Variants in ZNF302 observed in about 807,000 individuals in gnomAD.
ZNF302 encodes the protein zinc finger protein 327.
In ZNF302, 12 loss-of-function variants were observed where a neutral mutation model predicts 10.8. The observed-to-expected ratio is 1.11, with a 90% CI of 0.71 to 1.79. The LOEUF (loss-of-function observed/expected upper bound fraction) is 1.79, where lower values mean the gene tolerates loss of function less well. ZNF302 is among the 40% of genes most tolerant of loss of function. The pLI is 0.00. For synonymous variants in ZNF302, 178 were observed against 157.5 expected, an observed-to-expected ratio of 1.13 and a Z score of -0.98; for missense variants, 461 against 471.1, an observed-to-expected ratio of 0.98 and a Z score of 0.20.
chr19:34,676,053 T>C (rs746045866), upstream of ZNF302: 1 of 152,218 alleles, frequency 6.6e-6, no homozygotes, highest in Non-Finnish European at 1.5e-5. Context: ...GTTGTTCGGG[T>C]GGCCCGTTTT....
intron 2 of ZNF302, among the ~76,000 whole-genome samples, chr19:34,679,405 G>T (rs918444075): frequency 6.6e-6 from 1 of 151,966 alleles, no homozygotes; most frequent in Non-Finnish European, 1.5e-5. Flanking sequence ...CTGTCATTCC[G>T]CAACCTAAAA....
rs11441977 is a variant in ZNF302, at chr19:34,678,431, C to CAAAA, written c.-68-290_-68-287dup. On this transcript the variant is annotated intron_variant, in intron 1 of 4. Transcript: ENST00000505242. Reference sequence around the variant, plus strand: ...CTGGAGACAGAACGAGACTCCGTCTCAAAAAAAAAAAAAAAAAAATCTGGA... The same window carrying CAAAA: ...CTGGAGACAGAACGAGACTCCGTCTCAAAAAAAAAAAAAAAAAAAAAAATCTGGA... 6.8e-3 allele frequency among the ~76,000 whole-genome samples: 778 copies of CAAAA among 115,020 alleles called. 17 individuals carry two copies. Among genetic ancestry groups the CAAAA allele is most frequent in the Non-Finnish European group, 8.9e-3 (514 of 57,958 alleles). 75.5% of individuals were successfully genotyped at this position (115,020 alleles called of 152,430 possible). A position where few individuals can be genotyped will look rare whatever the true frequency, so the allele number is the denominator to read the frequency against.
Position 34,685,261 on chromosome 19 carries a change from G to C in ZNF302, c.*24G>C. 2 of 1,613,746 alleles carry C rather than the reference G, an allele frequency of 1.2e-6. No individual in the cohort carries two copies. Among genetic ancestry groups the C allele is most frequent in the African/African-American group, 2.7e-5 (2 of 75,040 alleles). On this transcript the variant is annotated 3_prime_UTR_variant, in exon 5 of 5. Transcript: ENST00000505242. The stretch of plus-strand genomic sequence containing the variant: ...AGAAATGCAGGAAATCCTTCAACCA[G>C]CTTGAATCACTGAATATGCATTTGA...
At position 34,685,828 on chromosome 19, in the gene ZNF302, T is replaced by A. The variant is rs564604129; in HGVS notation, c.*591T>A. On this transcript the variant is annotated 3_prime_UTR_variant, in exon 5 of 5. Coordinates refer to ENST00000505242, the MANE Select transcript of ZNF302 (RefSeq NM_001289187.2). The stretch of plus-strand genomic sequence containing the variant: ...ATAAATGTGGGAAAGCCTTTGTCAG[T>A]ATTAATCCCTTAATTGACCTAAGTA... 21 of 365,900 alleles carry A rather than the reference T, an allele frequency of 5.7e-5. No individual in the cohort carries two copies. The highest frequency in any genetic ancestry group is 3.7e-4 in the African/African-American group (18 of 49,250). 22.7% of individuals were successfully genotyped at this position (365,900 alleles called of 1,614,324 possible). A position where few individuals can be genotyped will look rare whatever the true frequency, so the allele number is the denominator to read the frequency against.
chr19:34,683,888 A>C (rs1354853045), intron 4 of ZNF302: 14 of 998,570 alleles, frequency 1.4e-5, no homozygotes, highest in Non-Finnish European at 1.7e-5. Flanking sequence ...AACCTTTCCC[A>C]CATGAATATA....
rs1467279039 is a variant in ZNF302, at chr19:34,684,468, G to A, written c.431G>A (p.Gly144Glu). Residue 144 changes from glycine (G) to glutamate (E), a missense_variant, in exon 5 of 5, where the codon GGG (glycine) becomes GAG (glutamate). Gly to Glu is a moderately conservative substitution (Grantham distance 98, BLOSUM62 -2). Transcript: ENST00000505242. ...LSEPQNNSAE[G>E]NSHKYDILKK... is the part of the protein sequence containing the mutation. Reference sequence around the variant, plus strand: ...GAACCACAAAACAATTCTGCTGAAGGGAATTCACACAAATATGATATATTA... The same window carrying A: ...GAACCACAAAACAATTCTGCTGAAGAGAATTCACACAAATATGATATATTA... 8.7e-6 allele frequency: 14 copies of A among 1,612,892 alleles called. No homozygotes were observed. The highest frequency in any genetic ancestry group is 1.3e-5 in the African/African-American group (1 of 74,928).
In ZNF302 at chr19:34,684,615, A is replaced by G. The variant is rs763132801; in HGVS notation, c.578A>G (p.Gln193Arg). 29 of 1,614,016 alleles carry G rather than the reference A, an allele frequency of 1.8e-5. 1 individual carries two copies. In the South Asian group the frequency reaches 3.2e-4, roughly 18 times the overall value. The change falls in exon 5 of 5, where the codon CAG (glutamine) becomes CGG (arginine). Residue 193 changes from glutamine to arginine, a missense_variant. Gln to Arg is a conservative substitution (Grantham distance 43). Transcript: ENST00000505242. The stretch of plus-strand genomic sequence containing the variant: ...CAGAGCAAATCTCTTACCCTTCCCC[A>G]GACTTGTAATAGAGAGAAAATCTAT... ...FNQSKSLTLPQTCNREKIYTC... is the reference protein window; with the variant it reads ...FNQSKSLTLPRTCNREKIYTC...
rs868528040 is a variant in ZNF302 at position 34,686,100 on chromosome 19, A to G, written c.*863A>G. Reference sequence around the variant, plus strand: ...TATCTTGCCAGACATAAGAAGATGAATGGTAGAGCAACCTGAAGGATTTAG... The same window carrying G: ...TATCTTGCCAGACATAAGAAGATGAGTGGTAGAGCAACCTGAAGGATTTAG... On this transcript the variant is annotated 3_prime_UTR_variant, in exon 5 of 5. Transcript: ENST00000505242. 1 of 152,850 alleles carries G rather than the reference A, an allele frequency of 6.5e-6. No individual in the cohort carries two copies. The highest frequency in any genetic ancestry group is 6.5e-5 in the Admixed American group (1 of 15,358). The allele number at this position is 152,850 out of a possible 1,614,324, so 9.5% of individuals were successfully genotyped here. A position where few individuals can be genotyped will look rare whatever the true frequency, so the allele number is the denominator to read the frequency against.
intron 4 of ZNF302, 108 bp from the exon 5 acceptor site, chr19:34,684,144 T>A: frequency 7.0e-7 from 1 of 1,426,806 alleles, no homozygotes; most frequent in South Asian, 1.3e-5. Context: ...TTCTCCTAAT[T>A]CCACTGTAGA....
chr19:34,678,872 C>G (rs1049089060), intron 2 of ZNF302, 59 bp downstream of exon 2: 7 of 1,603,768 alleles, frequency 4.4e-6, no homozygotes, highest in Non-Finnish European at 6.0e-6. Flanking sequence ...TGTGTGTTTG[C>G]TTTGCTTCTC....
intron 2 of ZNF302, chr19:34,679,789 G>T (rs748767326): frequency 1.4e-6 from 1 of 694,674 alleles, no homozygotes; most frequent in Admixed American, 2.0e-5. Context: ...TCTGTTCCTG[G>T]TGGGAGGAAT....
At position 34,685,772 on chromosome 19, in the gene ZNF302, G is replaced by A. The variant is rs1366546420; in HGVS notation, c.*535G>A. ...CAATGATGCAGATTTTTTTATTAGA[G>A]TTTATACTGTAGAGAAATCATATGA... On this transcript the variant is annotated 3_prime_UTR_variant, in exon 5 of 5. Transcript: ENST00000505242. 9 of 517,602 alleles carry A rather than the reference G, an allele frequency of 1.7e-5. No homozygotes were observed. Among genetic ancestry groups the A allele is most frequent in the African/African-American group, 1.5e-4 (8 of 52,518 alleles). The allele number at this position is 517,602 out of a possible 1,614,324, so 32.1% of individuals were successfully genotyped here.
chr19:34,679,843 T>A, intron 2 of ZNF302: 1 of 702,722 alleles, frequency 1.4e-6, no homozygotes, highest in East Asian at 2.7e-5. Context: ...GTACCCAGAG[T>A]GTTACCTGGC....
Position 34,683,995 on chromosome 19 carries a change from A to G in ZNF302, c.215-257A>G, listed in dbSNP as rs1309247320. On this transcript the variant is annotated intron_variant, in intron 4 of 4. Transcript: ENST00000505242. ...CTATTTTATCCATTTCGTACAGCTT[A>G]CCCATTTCCTTTATCACACTCTGTT... The G allele has an allele frequency of 2.7e-6, 4 of 1,456,770 alleles. No homozygotes were observed. The East Asian group carries it at 7.6e-5, about 28-fold the overall frequency. The allele number at this position is 1,456,770 out of a possible 1,614,324, so 90.2% of individuals were successfully genotyped here.
chr19:34,681,930 T>C (rs1176039193), intron 2 of ZNF302: 10 of 152,250 alleles, frequency 6.6e-5, no homozygotes, highest in African/African-American at 9.6e-5. Flanking sequence ...GTTATGTGTA[T>C]GTTTTAGTCC....
chr19:34,682,753 G>A (rs1284281645), intron 2 of ZNF302, 24 bp from the exon 3 acceptor site: 5 of 1,612,992 alleles, frequency 3.1e-6, no homozygotes, highest in Non-Finnish European at 4.2e-6. Context: ...CTATGGCTGA[G>A]CCTAAATATA....
At chr19:34,683,986 G>A (rs567747140) in intron 4 of ZNF302, 47 of 1,413,326 alleles carry the variant, frequency 3.3e-5, no homozygotes, top group East Asian at 2.3e-4. Flanking sequence ...TATCCATTTC[G>A]TACAGCTTAC....
Position 34,683,154 on chromosome 19 carries a change from G to A in ZNF302, c.131-1G>A. On this transcript the variant is annotated splice_acceptor_variant, in intron 3 of 4. Coordinates refer to ENST00000505242, the MANE Select transcript of ZNF302 (RefSeq NM_001289187.2). LOFTEE classifies it high-confidence loss of function. ...CAATTCTATATTTTTCCTGTAAGCAGGTCTTTCCGTAACTAAGCCATATGT... is the reference window on the plus strand; with the variant it reads ...CAATTCTATATTTTTCCTGTAAGCAAGTCTTTCCGTAACTAAGCCATATGT... 1 of 1,614,028 alleles carries A rather than the reference G, an allele frequency of 6.2e-7. No individual in the cohort carries two copies. Among genetic ancestry groups the A allele is most frequent in the East Asian group, 2.2e-5 (1 of 44,880 alleles).
chr19:34,683,129 CA>C (rs2068447052), intron 3 of ZNF302, 25 bp from the exon 4 acceptor site: 1 of 1,613,636 alleles, frequency 6.2e-7, no homozygotes, highest in African/African-American at 1.3e-5. Flanking sequence ...ACAGCTTAAA[CA>C]ATTCTATATT....
Sources: gnomAD v4.1 joint callset for allele counts (sites outside exome capture counted in the v4.1 genomes callset) on GRCh38, gnomAD v4.1.1 for gene constraint, MANE v1.5 for transcripts, NCBI Gene and HGNC (gene_info 2026-07-23, HGNC 2026-07-21) for gene names.